The following LRIG2 variants were observed in gnomAD, a reference collection of about 807,000 sequenced individuals.
LRIG2 encodes the protein leucine rich repeats and immunoglobulin like domains 2.
Under a neutral mutation model 107.8 loss-of-function variants are expected in LRIG2, and 93 were observed. That is an observed-to-expected ratio of 0.86 (90% CI 0.73 to 1.03). LRIG2 has a LOEUF of 1.03. Ranked by LOEUF, LRIG2 falls within the 50% of genes least tolerant of loss-of-function variation. The pLI, the probability that LRIG2 is intolerant of heterozygous loss-of-function variation, is 0.00. For missense variants in LRIG2, 1,226 were observed against 1,296.0 expected (o/e 0.95, Z 0.83); for synonymous variants, 471 against 470.6 (o/e 1.00, Z -0.01).
At chr1:113,084,835 T>C (rs1237732254) in intron 1 of LRIG2, among the ~76,000 whole-genome samples, 1 of 152,214 alleles carries the variant, frequency 6.6e-6, no homozygotes, top group Non-Finnish European at 1.5e-5. Context: ...CTTAGCAAAA[T>C]GTTTTTTAGA....
chr1:113,114,411 A>G lies in LRIG2; in HGVS notation c.2081-16A>G. 1 of 1,489,088 alleles carries G rather than the reference A, an allele frequency of 6.7e-7. No individual in the cohort carries two copies. The highest frequency in any genetic ancestry group is 2.3e-5 in the East Asian group (1 of 43,720). 92.2% of individuals were successfully genotyped at this position (1,489,088 alleles called of 1,614,324 possible). A position where few individuals can be genotyped will look rare whatever the true frequency, so the allele number is the denominator to read the frequency against. On this transcript the variant is annotated splice_polypyrimidine_tract_variant and intron_variant, in intron 14 of 17. Transcript: ENST00000361127. ...CTAACTTTTCATTTTTTTTTTTTTTAATGTTTTCCTGTTAGAGACACCCTC... is the reference window on the plus strand; with the variant it reads ...CTAACTTTTCATTTTTTTTTTTTTTGATGTTTTCCTGTTAGAGACACCCTC...
intron 1 of LRIG2, among the ~76,000 whole-genome samples, chr1:113,080,487 C>T (rs2101016925): frequency 6.6e-6 from 1 of 152,218 alleles, no homozygotes; most frequent in East Asian, 1.9e-4. Flanking sequence ...TCACGCCATT[C>T]TCCTGCCTCA....
Position 113,110,226 on chromosome 1 carries a change from A to G in LRIG2, c.1478-16A>G. The G allele has an allele frequency of 6.5e-7, 1 of 1,547,208 alleles. No individual in the cohort carries two copies. The highest frequency in any genetic ancestry group is 2.3e-5 in the East Asian group (1 of 44,064). ...AAATAACTGACTTGGCTACGGATGC[A>G]TTTTTTTCCCCTTAGATGATTTTCT... is the stretch of plus-strand genomic sequence containing the variant. On this transcript the variant is annotated splice_polypyrimidine_tract_variant and intron_variant, in intron 12 of 17. Transcript: ENST00000361127.
intron 11 of LRIG2, among the ~76,000 whole-genome samples, chr1:113,102,594 C>A (rs150844049): frequency 6.6e-6 from 1 of 151,646 alleles, no homozygotes; most frequent in Non-Finnish European, 1.5e-5. Context: ...TTTTTTTTAC[C>A]CCAAACTGCT....
rs569952284 is a variant in LRIG2, at chr1:113,104,271, C to T, written c.1314-3323C>T. On this transcript the variant is annotated intron_variant, in intron 11 of 17. Coordinates refer to ENST00000361127, the MANE Select transcript of LRIG2 (RefSeq NM_014813.3). ...TTACATCCTCCATCCATCTGTCCACCCACTGCTAGACTTTTTCCTTCTCAT... is the reference window on the plus strand; with the variant it reads ...TTACATCCTCCATCCATCTGTCCACTCACTGCTAGACTTTTTCCTTCTCAT... 4.6e-5 allele frequency among the ~76,000 whole-genome samples: 7 copies of T among 152,254 alleles called. No homozygotes were observed. The South Asian group carries it at 1.5e-3, about 32-fold the overall frequency.
Position 113,095,908 on chromosome 1 carries a change from A to G in LRIG2, c.838A>G (p.Lys280Glu). 6.2e-7 allele frequency: 1 copy of G among 1,614,178 alleles called. No homozygotes were observed. Among genetic ancestry groups the G allele is most frequent in the Non-Finnish European group, 8.5e-7 (1 of 1,180,030 alleles). The change falls in exon 7 of 18, where the codon AAG becomes GAG. Residue 280 changes from lysine to glutamate, a missense_variant. Transcript: ENST00000361127. ...LEHNNLTRVN[K>E]GWLYGLRMLQ... ...ACACAACAACCTTACACGAGTAAAC[A>G]AGGGGTGGTTGTATGGCTTGCGAAT...
chr1:113,074,795 G>A (rs946639254), intron 1 of LRIG2, among the ~76,000 whole-genome samples: 2 of 151,834 alleles, frequency 1.3e-5, no homozygotes, highest in African/African-American at 4.8e-5. Flanking sequence ...TGTAGTCCCA[G>A]CTACTCGGGA....
Position 113,094,478 on chromosome 1 carries a change from T to G in LRIG2, c.655T>G (p.Phe219Val). 6.2e-7 allele frequency: 1 copy of G among 1,606,364 alleles called. No individual in the cohort carries two copies. The highest frequency in any genetic ancestry group is 8.5e-7 in the Non-Finnish European group (1 of 1,178,334). Residue 219 changes from phenylalanine (F) to valine (V), a missense_variant, in exon 5 of 18, where the codon TTC (phenylalanine) becomes GTC (valine). Physicochemically the swap from Phe to Val is conservative, Grantham distance 50. Transcript: ENST00000361127. ...PKIFKLPHLQ[F>V]LELKRNRIKI... is the part of the protein sequence containing the mutation. The stretch of plus-strand genomic sequence containing the variant: ...GATCTTCAAGCTGCCTCACCTCCAA[T>G]TCTTGTGAGTAACGAAATAGACGGA...
Position 113,112,500 on chromosome 1 carries a change from C to A in LRIG2, c.1820C>A (p.Thr607Lys). ...ACAGAGATGCCATCTTTTCTGAAAA[C>A]GCCAATGGATCTGACTATTCGCACT... ...TVNEMPSFLK[T>K]PMDLTIRTGA... is the part of the protein sequence containing the mutation. Residue 607 changes from threonine (T) to lysine (K), a missense_variant, in exon 14 of 18, where the codon ACG becomes AAG. Physicochemically the swap from Thr to Lys is moderately conservative, Grantham distance 78. Coordinates refer to ENST00000361127, the MANE Select transcript of LRIG2 (RefSeq NM_014813.3). 3 of 1,598,794 alleles carry A rather than the reference C, an allele frequency of 1.9e-6. No homozygotes were observed. Among genetic ancestry groups the A allele is most frequent in the Non-Finnish European group, 2.6e-6 (3 of 1,169,438 alleles).
chr1:113,095,852 T>C, intron 6 of LRIG2, 22 bp from the exon 7 acceptor site: 1 of 1,613,910 alleles, frequency 6.2e-7, no homozygotes. Flanking sequence ...ACGTATTTTC[T>C]TCTCTTTCTC....
chr1:113,106,210 AG>A (rs1557911629), intron 11 of LRIG2, among the ~76,000 whole-genome samples: 1 of 118,176 alleles, frequency 8.5e-6, no homozygotes, highest in African/African-American at 3.1e-5. Flanking sequence ...CCTGGGCAAC[AG>A]AGCGAGACTC....
chr1:113,110,428 C>T lies in LRIG2; in HGVS notation c.1664C>T (p.Ala555Val). Reference sequence around the variant, plus strand: ...AATTTTGTTCGTTATTGGCAGCAAGCTGGAGAAGCTCTGGAATATACTAGT... The same window carrying T: ...AATTTTGTTCGTTATTGGCAGCAAGTTGGAGAAGCTCTGGAATATACTAGT... Reference protein sequence around the residue: ...TENFVRYWQQAGEALEYTSIL... With the variant: ...TENFVRYWQQVGEALEYTSIL... Residue 555 changes from alanine to valine, a missense_variant, in exon 13 of 18, where the codon GCT (alanine) becomes GTT (valine). By Grantham distance (64) the Ala-to-Val change is moderately conservative. Transcript: ENST00000361127. The T allele has an allele frequency of 1.2e-6, 2 of 1,614,148 alleles. No homozygotes were observed. Among genetic ancestry groups the T allele is most frequent in the Non-Finnish European group, 1.7e-6 (2 of 1,180,000 alleles).
intron 1 of LRIG2, among the ~76,000 whole-genome samples, chr1:113,075,814 GC>G (rs1482587733): frequency 3.4e-5 from 5 of 149,200 alleles, no homozygotes; most frequent in African/African-American, 1.2e-4. Flanking sequence ...TCCTGCCTCA[GC>G]CTCCCAAGTA....
chr1:113,073,991 T>G (rs1350199541), intron 1 of LRIG2, among the ~76,000 whole-genome samples: 62 of 82,826 alleles, frequency 7.5e-4, no homozygotes, highest in South Asian at 1.6e-3. Context: ...GGGCGGGGGG[T>G]GGGTTGAGCA....
chr1:113,112,433 C>G (rs750676996), intron 13 of LRIG2, 46 bp from the exon 14 acceptor site: 1 of 1,566,712 alleles, frequency 6.4e-7, no homozygotes, highest in Non-Finnish European at 8.7e-7. Flanking sequence ...ATATATGTGT[C>G]TTTGTTCCCT....
intron 14 of LRIG2, among the ~76,000 whole-genome samples, 193 bp from the exon 15 acceptor site, chr1:113,114,234 G>A (rs566735926): frequency 8.6e-5 from 13 of 152,008 alleles, no homozygotes; most frequent in African/African-American, 3.1e-4. Flanking sequence ...AGGATAGCTT[G>A]CCTAAGCTGG....
chr1:113,096,803 A>G (rs1052826328), intron 8 of LRIG2, among the ~76,000 whole-genome samples: 4 of 152,236 alleles, frequency 2.6e-5, no homozygotes, highest in Non-Finnish European at 5.9e-5. Context: ...TTTGGACAGA[A>G]GAAACTAATA....
rs1570781949 is a variant in LRIG2 at position 113,124,390 on chromosome 1, A to G, written c.*289A>G. The G allele has an allele frequency of 2.2e-6, 1 of 450,002 alleles. No homozygotes were observed. The highest frequency in any genetic ancestry group is 4.1e-6 in the Non-Finnish European group (1 of 245,570). The allele number at this position is 450,002 out of a possible 1,614,324, so 27.9% of individuals were successfully genotyped here. ...TCCATGGGGATGTGCCCTGGTGTGCATCTGCTTGTCAGGAAGAGTCACATT... is the reference window on the plus strand; with the variant it reads ...TCCATGGGGATGTGCCCTGGTGTGCGTCTGCTTGTCAGGAAGAGTCACATT... On this transcript the variant is annotated 3_prime_UTR_variant, in exon 18 of 18. Coordinates refer to ENST00000361127, the MANE Select transcript of LRIG2 (RefSeq NM_014813.3).
At chr1:113,094,121 A>G (rs1468314451) in intron 4 of LRIG2, among the ~76,000 whole-genome samples, 2 of 152,260 alleles carry the variant, frequency 1.3e-5, no homozygotes, top group African/African-American at 2.4e-5. Context: ...CAGTTTACAA[A>G]GCATATTCAC....
Sources: allele counts gnomAD v4.1 joint callset (sites outside exome capture counted in the v4.1 genomes callset), GRCh38; gene constraint gnomAD v4.1.1; transcripts MANE v1.5; gene names NCBI Gene and HGNC (gene_info 2026-07-23, HGNC 2026-07-21).